The following OSBPL6 variants were observed in gnomAD, a reference collection of about 807,000 sequenced individuals.
OSBPL6 encodes oxysterol binding protein like 6.
OSBPL6 carries 49 observed loss-of-function variants against 125.8 expected under a neutral mutation model. The observed-to-expected ratio is 0.39, with a 90% CI of 0.31 to 0.49. OSBPL6 has a LOEUF of 0.49. Ranked by LOEUF, OSBPL6 falls within the 20% of genes least tolerant of loss-of-function variation. OSBPL6 has a pLI of 0.88. For missense variants in OSBPL6, 986 were observed against 1,135.4 expected (o/e 0.87, Z 1.89); for synonymous variants, 394 against 391.8 (o/e 1.01, Z -0.07).
At chr2:178,232,947 T>C (rs2090897443) in intron 1 of OSBPL6, among the ~76,000 whole-genome samples, 1 of 152,218 alleles carries the variant, frequency 6.6e-6, no homozygotes. Context: ...CACCTGACTC[T>C]TTTAAAACTT....
chr2:178,288,357 A>G (rs1239471373), intron 2 of OSBPL6, among the ~76,000 whole-genome samples: 1 of 152,166 alleles, frequency 6.6e-6, no homozygotes, highest in Non-Finnish European at 1.5e-5. Context: ...AAGTATGGAA[A>G]CAAAGGAGGG....
At position 178,351,842 on chromosome 2, in the gene OSBPL6, G is replaced by T. The variant is rs1208299310; in HGVS notation, c.1153+2453G>T. 2.6e-5 allele frequency among the ~76,000 whole-genome samples: 4 copies of T among 152,106 alleles called. No individual in the cohort carries two copies. In the South Asian group the frequency reaches 8.3e-4, roughly 31 times the overall value. ...AACAAACACTGGAGCCTATTTGAGGGTGGAGGGTGGGAGGAGGGAGAGGAA... is the reference window on the plus strand; with the variant it reads ...AACAAACACTGGAGCCTATTTGAGGTTGGAGGGTGGGAGGAGGGAGAGGAA... On this transcript the variant is annotated intron_variant, in intron 12 of 24. Coordinates refer to ENST00000190611, the MANE Select transcript of OSBPL6 (RefSeq NM_032523.4).
At position 178,288,793 on chromosome 2, in the gene OSBPL6, C is replaced by T. The variant is rs573199332; in HGVS notation, c.-156+3672C>T. Among the ~76,000 whole-genome samples, 16 of 151,804 alleles carry T rather than the reference C, an allele frequency of 1.1e-4. No individual in the cohort carries two copies. The East Asian group carries it at 1.4e-3, about 13-fold the overall frequency. ...CCTCCCAAGTAGTTGGGATTACAGG[C>T]GCCCGCCACCACGCCCAGCTAATTT... On this transcript the variant is annotated intron_variant, in intron 2 of 24. Transcript: ENST00000190611.
intron 11 of OSBPL6, among the ~76,000 whole-genome samples, chr2:178,342,832 A>G (rs1391376651): frequency 6.6e-6 from 1 of 152,208 alleles, no homozygotes; most frequent in African/African-American, 2.4e-5. Flanking sequence ...GAGGAATAGT[A>G]GAAAGTACAT....
At chr2:178,261,280 G>A (rs772556652) in intron 1 of OSBPL6, among the ~76,000 whole-genome samples, 4 of 151,988 alleles carry the variant, frequency 2.6e-5, no homozygotes, top group Non-Finnish European at 5.9e-5. Flanking sequence ...TTGATTGGGA[G>A]GTTAATTTCT....
intron 2 of OSBPL6, among the ~76,000 whole-genome samples, chr2:178,297,758 A>G (rs761172865): frequency 2.6e-5 from 4 of 152,258 alleles, no homozygotes; most frequent in Non-Finnish European, 5.9e-5. Flanking sequence ...AAGATTTCAT[A>G]AAGAAGATGA....
At chr2:178,356,666 A>G (rs1691822250) in intron 12 of OSBPL6, among the ~76,000 whole-genome samples, 1 of 152,226 alleles carries the variant, frequency 6.6e-6, no homozygotes, top group African/African-American at 2.4e-5. Flanking sequence ...ATACTGCCCA[A>G]GGTAATTTAT....
chr2:178,199,433 C>G (rs970054912), intron 1 of OSBPL6, among the ~76,000 whole-genome samples: 1 of 152,128 alleles, frequency 6.6e-6, no homozygotes, highest in Non-Finnish European at 1.5e-5. Flanking sequence ...TTTTCTGGGT[C>G]TTTCTAGAAG....
chr2:178,222,369 G>A (rs2090374654), intron 1 of OSBPL6, among the ~76,000 whole-genome samples: 1 of 152,214 alleles, frequency 6.6e-6, no homozygotes. Context: ...AATCGGCTGG[G>A]CGCGGTGGCT....
intron 12 of OSBPL6, among the ~76,000 whole-genome samples, chr2:178,358,929 G>A (rs1692068574): frequency 6.6e-6 from 1 of 152,048 alleles, no homozygotes; most frequent in African/African-American, 2.4e-5. Context: ...CAACTCAATA[G>A]GAAGAAAACG....
chr2:178,207,030 A>G (rs894542033), intron 1 of OSBPL6, among the ~76,000 whole-genome samples: 2 of 152,024 alleles, frequency 1.3e-5, no homozygotes, highest in Non-Finnish European at 2.9e-5. Context: ...CAGCCTCCCA[A>G]AGTGCTGGGG....
At chr2:178,215,826 T>C (rs998305335) in intron 1 of OSBPL6, among the ~76,000 whole-genome samples, 13 of 152,108 alleles carry the variant, frequency 8.5e-5, no homozygotes, top group African/African-American at 2.9e-4. Flanking sequence ...TGTGTGGTAC[T>C]GGAGGAAAAA....
chr2:178,209,439 C>CTTTTTTTTTTTTTT (rs71850875), intron 1 of OSBPL6, among the ~76,000 whole-genome samples: 9 of 95,720 alleles, frequency 9.4e-5, no homozygotes, highest in Admixed American at 2.3e-4. Context: ...TTCTTTCTTT[C>CTTTTTTTTTTTTTT]TTTTTTTTTT....
At chr2:178,378,925 G>A (rs1337826553) in intron 15 of OSBPL6, among the ~76,000 whole-genome samples, 1 of 152,134 alleles carries the variant, frequency 6.6e-6, no homozygotes, top group African/African-American at 2.4e-5. Flanking sequence ...CAACACTTTG[G>A]GAGGCAGAGG....
chr2:178,252,985 A>G (rs1203465791), intron 1 of OSBPL6, among the ~76,000 whole-genome samples: 1 of 152,056 alleles, frequency 6.6e-6, no homozygotes, highest in Non-Finnish European at 1.5e-5. Context: ...ACTAGACAGA[A>G]TCTATAGAAG....
intron 1 of OSBPL6, among the ~76,000 whole-genome samples, chr2:178,240,699 G>A (rs1279087582): frequency 1.3e-5 from 2 of 152,202 alleles, no homozygotes; most frequent in Non-Finnish European, 2.9e-5. Context: ...GTTGCAGTGA[G>A]CCAAGATTGC....
chr2:178,370,052 G>C (rs902429202), intron 13 of OSBPL6, among the ~76,000 whole-genome samples: 1 of 152,110 alleles, frequency 6.6e-6, no homozygotes, highest in African/African-American at 2.4e-5. Flanking sequence ...ATCACTTGAG[G>C]TCAGGAGTTT....
chr2:178,259,789 C>T (rs1029755854), intron 1 of OSBPL6, among the ~76,000 whole-genome samples: 3 of 152,134 alleles, frequency 2.0e-5, no homozygotes, highest in Admixed American at 1.3e-4. Context: ...AGAAAGTTTG[C>T]GGGCTGATAT....
chr2:178,195,191 A>G (rs2088803920), intron 1 of OSBPL6, among the ~76,000 whole-genome samples: 1 of 152,078 alleles, frequency 6.6e-6, no homozygotes, highest in Admixed American at 6.5e-5. Flanking sequence ...CGGCTGGGGA[A>G]GTTGTGCATT....
Sources: allele counts gnomAD v4.1 joint callset (sites outside exome capture counted in the v4.1 genomes callset), GRCh38; gene constraint gnomAD v4.1.1; transcripts MANE v1.5; gene names NCBI Gene and HGNC (gene_info 2026-07-23, HGNC 2026-07-21).